PPTC7: variants seen among roughly 807,000 people sequenced by gnomAD.
The protein encoded by PPTC7 is protein phosphatase targeting COQ7.
A neutral mutation model predicts 30.8 loss-of-function variants in PPTC7; 6 were observed. The ratio of observed to expected loss-of-function variants is 0.19; its 90% confidence interval spans 0.11 to 0.38. The LOEUF (loss-of-function observed/expected upper bound fraction) is 0.38. PPTC7 is among the 10% of genes least tolerant of loss of function. PPTC7 has a pLI of 1.00. For missense variants in PPTC7, 218 were observed against 404.8 expected (o/e 0.54, Z 3.96); for synonymous variants, 163 against 168.1 (o/e 0.97, Z 0.23).
intron 3 of PPTC7, among the ~76,000 whole-genome samples, chr12:110,540,183 T>C (rs2064247022): frequency 6.6e-6 from 1 of 152,040 alleles, no homozygotes; most frequent in Non-Finnish European, 1.5e-5. Flanking sequence ...TAAAACCAAG[T>C]CTGATGATTA....
chr12:110,545,872 G>A lies in PPTC7; in HGVS notation c.602+8C>T, dbSNP rs1258148990. On this transcript the variant is annotated splice_region_variant and intron_variant, in intron 3 of 5. Coordinates refer to ENST00000354300, the MANE Select transcript of PPTC7 (RefSeq NM_139283.2). ...TGCTCACACTTAATGGCTGAGAGGG[G>A]AGATTACCTGTCGCTCAAGACGACT... 6.2e-7 allele frequency: 1 copy of A among 1,612,756 alleles called. No homozygotes were observed. Among genetic ancestry groups the A allele is most frequent in the East Asian group, 2.2e-5 (1 of 44,902 alleles).
chr12:110,570,859 C>A lies in PPTC7; in HGVS notation c.223+11950G>T, dbSNP rs866707657. On this transcript the variant is annotated intron_variant, in intron 1 of 5. Coordinates refer to ENST00000354300, the MANE Select transcript of PPTC7 (RefSeq NM_139283.2). The stretch of plus-strand genomic sequence containing the variant: ...AATACTAAGGGAACTCAGAGGCTGG[C>A]GGGATCCTCCATATGCTGAACGCTG... Among the ~76,000 whole-genome samples, 563 of 151,846 alleles carry A rather than the reference C, an allele frequency of 3.7e-3. 6 individuals carry two copies. The highest frequency in any genetic ancestry group is 6.2e-3 in the Non-Finnish European group (424 of 67,900).
At chr12:110,565,185 C>T (rs2064472708) in intron 1 of PPTC7, among the ~76,000 whole-genome samples, 2 of 151,804 alleles carry the variant, frequency 1.3e-5, no homozygotes, top group Admixed American at 1.3e-4. Flanking sequence ...TTACTCTATA[C>T]ATTGTTCAAC....
chr12:110,553,212 A>G (rs903823294), intron 1 of PPTC7, among the ~76,000 whole-genome samples: 1 of 143,000 alleles, frequency 7.0e-6, no homozygotes, highest in African/African-American at 2.5e-5. Flanking sequence ...CAGTGGCGTG[A>G]TCTCGGCTCA....
intron 1 of PPTC7, among the ~76,000 whole-genome samples, chr12:110,564,787 CG>C (rs1216836152): frequency 7.1e-6 from 1 of 140,230 alleles, no homozygotes; most frequent in Non-Finnish European, 1.5e-5. Context: ...TATACATACA[CG>C]TTATATATAT....
In PPTC7 at chr12:110,533,595, T is replaced by C. The variant is rs2064189162; in HGVS notation, c.*3442A>G. ...GTTTTGTTTCATAAGCAGATTTTGG[T>C]TTTTTGATACTGTAAAATTTTTAAA... On this transcript the variant is annotated 3_prime_UTR_variant, in exon 6 of 6. Coordinates refer to ENST00000354300, the MANE Select transcript of PPTC7 (RefSeq NM_139283.2). 6.6e-6 allele frequency: 1 copy of C among 152,122 alleles called. No individual in the cohort carries two copies. The highest frequency in any genetic ancestry group is 1.5e-5 in the Non-Finnish European group (1 of 68,028). 9.4% of individuals were successfully genotyped at this position (152,122 alleles called of 1,614,324 possible). A position where few individuals can be genotyped will look rare whatever the true frequency, so the allele number is the denominator to read the frequency against.
chr12:110,562,324 T>C (rs1420384493), intron 1 of PPTC7, among the ~76,000 whole-genome samples: 1 of 105,776 alleles, frequency 9.5e-6, no homozygotes. Context: ...AAATCCAAAA[T>C]GAATGAAAAG....
intron 1 of PPTC7, among the ~76,000 whole-genome samples, chr12:110,564,732 A>C (rs192485710): frequency 6.0e-5 from 9 of 151,114 alleles, no homozygotes; most frequent in Non-Finnish European, 1.2e-4. Context: ...CTGTCTCTTA[A>C]TTTCTGAACA....
intron 3 of PPTC7, among the ~76,000 whole-genome samples, chr12:110,542,681 A>AG (rs2064270955): frequency 1.5e-5 from 2 of 137,586 alleles, no homozygotes; most frequent in South Asian, 4.6e-4. Context: ...CTCAAAAAAA[A>AG]AAAAAAAAAA....
chr12:110,583,135 C>T lies in PPTC7; in HGVS notation c.-104G>A. ...AGCCGCAGTCGCGCCGCCGCTGGGG[C>T]GCTCCTCAGGGCGGCGCGCAGTGGC... On this transcript the variant is annotated 5_prime_UTR_variant, in exon 1 of 6. Transcript: ENST00000354300. 2 of 926,906 alleles carry T rather than the reference C, an allele frequency of 2.2e-6. No individual in the cohort carries two copies. Among genetic ancestry groups the T allele is most frequent in the African/African-American group, 1.8e-5 (1 of 56,546 alleles). The allele number at this position is 926,906 out of a possible 1,614,324, so 57.4% of individuals were successfully genotyped here. A position where few individuals can be genotyped will look rare whatever the true frequency, so the allele number is the denominator to read the frequency against.
chr12:110,547,659 G>A (rs886369096), intron 2 of PPTC7, among the ~76,000 whole-genome samples: 7 of 151,966 alleles, frequency 4.6e-5, no homozygotes, highest in Non-Finnish European at 8.8e-5. Context: ...AAAAGCAATA[G>A]GCAAAGTCTA....
At position 110,536,517 on chromosome 12, in the gene PPTC7, A is replaced by T. The variant is rs1431045409; in HGVS notation, c.*520T>A. On this transcript the variant is annotated 3_prime_UTR_variant, in exon 6 of 6. Transcript: ENST00000354300. The stretch of plus-strand genomic sequence containing the variant: ...GAGCAGAATCATAAGCCCCTGAAAA[A>T]TAGGAGTTTATAACAAAGACATAAA... The T allele has an allele frequency of 6.6e-6, 1 of 152,362 alleles. No homozygotes were observed. The highest frequency in any genetic ancestry group is 1.5e-5 in the Non-Finnish European group (1 of 68,130). 9.4% of individuals were successfully genotyped at this position (152,362 alleles called of 1,614,324 possible).
intron 1 of PPTC7, among the ~76,000 whole-genome samples, chr12:110,567,397 C>G (rs1022735301): frequency 1.3e-5 from 2 of 152,314 alleles, no homozygotes; most frequent in Admixed American, 1.3e-4. Context: ...CCTCTTGTAC[C>G]AAGCAATCCC....
intron 4 of PPTC7, among the ~76,000 whole-genome samples, 165 bp downstream of exon 4, chr12:110,539,657 T>A (rs2064242017): frequency 6.6e-6 from 1 of 152,244 alleles, no homozygotes. Context: ...AAGCTTCTTT[T>A]TCCAAGTGCT....
chr12:110,560,200 G>C (rs1349813064), intron 1 of PPTC7, among the ~76,000 whole-genome samples: 2 of 151,990 alleles, frequency 1.3e-5, no homozygotes, highest in African/African-American at 4.8e-5. Flanking sequence ...AGGAATTCGA[G>C]ACCAGCCTAG....
chr12:110,558,169 G>A (rs139487398), intron 1 of PPTC7, among the ~76,000 whole-genome samples: 38 of 152,288 alleles, frequency 2.5e-4, no homozygotes, highest in Non-Finnish European at 4.6e-4. Flanking sequence ...TCTGTCTTGG[G>A]TATGTCAAAC....
intron 1 of PPTC7, among the ~76,000 whole-genome samples, chr12:110,577,243 T>C (rs987821579): frequency 1.3e-5 from 2 of 150,712 alleles, no homozygotes; most frequent in African/African-American, 4.9e-5. Context: ...AATCTGACTT[T>C]AAGAAAATTA....
At chr12:110,554,162 C>CT (rs1181630937) in intron 1 of PPTC7, among the ~76,000 whole-genome samples, 1 of 152,150 alleles carries the variant, frequency 6.6e-6, no homozygotes, top group Non-Finnish European at 1.5e-5. Context: ...CAAATTTCAC[C>CT]TTTTAAAAAA....
At chr12:110,580,495 C>T (rs901940963) in intron 1 of PPTC7, among the ~76,000 whole-genome samples, 2 of 152,038 alleles carry the variant, frequency 1.3e-5, no homozygotes, top group African/African-American at 4.8e-5. Context: ...TGTGCCACCA[C>T]ACCTGCCTAA....
Sources: allele counts gnomAD v4.1 joint callset (sites outside exome capture counted in the v4.1 genomes callset), GRCh38; gene constraint gnomAD v4.1.1; transcripts MANE v1.5; gene names NCBI Gene and HGNC (gene_info 2026-07-23, HGNC 2026-07-21).